The following ALKBH4 variants were observed in gnomAD, a reference collection of about 807,000 sequenced individuals.
ALKBH4 encodes the protein alkB homolog 4, lysine demethylase, also known as alpha-ketoglutarate-dependent dioxygenase alkB homolog 4.
Under a neutral mutation model 12.1 loss-of-function variants are expected in ALKBH4, and 8 were observed. The ratio of observed to expected loss-of-function variants is 0.66; its 90% CI spans 0.39 to 1.19. The LOEUF is 1.19. Among genes scored for constraint, ALKBH4 ranks in the 50% most tolerant of loss-of-function variants. ALKBH4 has a pLI of 0.01. For missense variants in ALKBH4, 403 were observed against 430.4 expected (o/e 0.94, Z 0.56); for synonymous variants, 195 against 191.6 (o/e 1.02, Z -0.15).
intron 1 of ALKBH4, 122 bp downstream of exon 1, chr7:102,464,592 C>A: frequency 7.4e-7 from 1 of 1,356,738 alleles, no homozygotes; most frequent in Non-Finnish European, 9.6e-7. Flanking sequence ...CACCCTGCAT[C>A]ACCCCTACCG....
At chr7:102,464,412 C>T (rs780040307) in intron 1 of ALKBH4, among the ~76,000 whole-genome samples, 6 of 152,114 alleles carry the variant, frequency 3.9e-5, no homozygotes, top group Non-Finnish European at 7.4e-5. Context: ...CGACCCTTTC[C>T]GTGTCATCTC....
In ALKBH4 at chr7:102,457,390, C is replaced by T. The variant is rs199913773; in HGVS notation, c.*4G>A. 26 of 1,602,160 alleles carry T rather than the reference C, an allele frequency of 1.6e-5. No individual in the cohort carries two copies. Among genetic ancestry groups the T allele is most frequent in the East Asian group, 2.2e-5 (1 of 44,596 alleles). The stretch of plus-strand genomic sequence containing the variant: ...TCAGTCAAGTCTGGAGCCAAGGAGG[C>T]GGTTCACACGGGTCTTCCCTGGAAG... On this transcript the variant is annotated 3_prime_UTR_variant, in exon 3 of 3. Transcript: ENST00000292566. This position sits in a 1 kb window ranked among gnomAD's most constrained non-coding sequence, Gnocchi z 5.9.
chr7:102,457,502 G>A lies in ALKBH4; in HGVS notation c.801C>T (p.Cys267=), dbSNP rs139810871. The A allele has an allele frequency of 2.9e-5, 47 of 1,613,286 alleles. No individual in the cohort carries two copies. Among genetic ancestry groups the A allele is most frequent in the Non-Finnish European group, 3.9e-5 (46 of 1,180,026 alleles). The change falls in exon 3 of 3, where the codon TGC becomes TGT. Residue 267 remains cysteine (C), a synonymous_variant. Coordinates refer to ENST00000292566, the MANE Select transcript of ALKBH4 (RefSeq NM_017621.4). This position sits in a 1 kb window ranked among gnomAD's most constrained non-coding sequence, Gnocchi z 5.9. ...HRRHIEARRV[C]VTFRELSAEF... is the part of the protein sequence containing the mutation. Reference sequence around the variant, plus strand: ...CAGCCGACAGCTCCCGGAAAGTGACGCAGACGCGGCGGGCCTCGATGTGTC... The same window carrying A: ...CAGCCGACAGCTCCCGGAAAGTGACACAGACGCGGCGGGCCTCGATGTGTC...
intron 1 of ALKBH4, among the ~76,000 whole-genome samples, chr7:102,464,045 C>CA (rs375953059): frequency 5.3e-5 from 8 of 152,002 alleles, no homozygotes; most frequent in African/African-American, 7.2e-5. Flanking sequence ...ACCTCCCCCC[C>CA]CCCACAACCT....
chr7:102,457,050 A>G lies in ALKBH4; in HGVS notation c.*344T>C. 5.3e-6 allele frequency: 1 copy of G among 190,102 alleles called. No homozygotes were observed. Among genetic ancestry groups the G allele is most frequent in the Non-Finnish European group, 1.1e-5 (1 of 92,888 alleles). The allele number at this position is 190,102 out of a possible 1,614,324, so 11.8% of individuals were successfully genotyped here. On this transcript the variant is annotated 3_prime_UTR_variant, in exon 3 of 3. Coordinates refer to ENST00000292566, the MANE Select transcript of ALKBH4 (RefSeq NM_017621.4). The surrounding 1 kb of genome is among the most constrained non-coding windows in gnomAD (Gnocchi z 5.9). ...CACCGTGTTGGCCAGGCTGGTCTCGAACTCCTGGCATCAAGTGATCCGCCC... is the reference window on the plus strand; with the variant it reads ...CACCGTGTTGGCCAGGCTGGTCTCGGACTCCTGGCATCAAGTGATCCGCCC...
At chr7:102,463,549 C>T (rs946668637) in intron 1 of ALKBH4, among the ~76,000 whole-genome samples, 1 of 151,722 alleles carries the variant, frequency 6.6e-6, no homozygotes, top group Non-Finnish European at 1.5e-5. Context: ...AGGCAGGTCT[C>T]AAACTCCTGA....
Sources: allele counts gnomAD v4.1 joint callset (sites outside exome capture counted in the v4.1 genomes callset), GRCh38; gene constraint gnomAD v4.1.1; non-coding constraint Gnocchi (gnomAD v3.1); transcripts MANE v1.5; gene names NCBI Gene and HGNC (gene_info 2026-07-23, HGNC 2026-07-21).